PCNX1: variants seen among roughly 807,000 people sequenced by gnomAD.
PCNX1 encodes pecanex-like protein 1.
PCNX1 carries 78 observed loss-of-function variants against 242.2 expected under a neutral mutation model. That is an observed-to-expected ratio of 0.32 (90% CI 0.27 to 0.39). The LOEUF (loss-of-function observed/expected upper bound fraction) is 0.39, where lower values mean the gene tolerates loss of function less well. PCNX1 is among the 10% of genes least tolerant of loss of function. The pLI is 1.00. For missense variants in PCNX1, 2,581 were observed against 2,856.5 expected (o/e 0.90, Z 2.20); for synonymous variants, 1,024 against 1,032.9 (o/e 0.99, Z 0.17).
chr14:70,967,548 A>G lies in PCNX1; in HGVS notation c.469-650A>G, dbSNP rs11158889. On this transcript the variant is annotated intron_variant, in intron 3 of 35. Coordinates refer to ENST00000304743, the MANE Select transcript of PCNX1 (RefSeq NM_014982.3). ...TGAAATTTTAGGGAAGTGTTAAACTATCTTGAATATAAGCACTAAAAGCTC... is the reference window on the plus strand; with the variant it reads ...TGAAATTTTAGGGAAGTGTTAAACTGTCTTGAATATAAGCACTAAAAGCTC... Among the ~76,000 whole-genome samples the G allele has an allele frequency of 8.7e-3, 1,318 of 152,316 alleles. 26 individuals are homozygous for G. The highest frequency in any genetic ancestry group is 0.03 in the African/African-American group (1,244 of 41,552).
At chr14:70,940,062 A>T (rs1368257000) in intron 1 of PCNX1, among the ~76,000 whole-genome samples, 1 of 152,134 alleles carries the variant, frequency 6.6e-6, no homozygotes, top group Non-Finnish European at 1.5e-5. Context: ...GCGCACACTG[A>T]TGGGTCTTGA....
At chr14:70,996,040 C>T (rs1290101529) in intron 8 of PCNX1, 115 bp downstream of exon 8, 23 of 771,748 alleles carry the variant, frequency 3.0e-5, no homozygotes, top group Admixed American at 8.4e-5. Context: ...CATAGGAGCA[C>T]TTTTTACATA....
intron 19 of PCNX1, among the ~76,000 whole-genome samples, chr14:71,036,476 C>T (rs945851028): frequency 3.9e-5 from 6 of 152,170 alleles, no homozygotes; most frequent in Non-Finnish European, 7.3e-5. Context: ...CTTCACCCAG[C>T]CTGTATATGT....
In PCNX1 at chr14:70,977,592, G is replaced by T; in HGVS notation, c.1255G>T (p.Glu419Ter). 2.5e-6 allele frequency: 4 copies of T among 1,614,198 alleles called. No individual in the cohort carries two copies. The highest frequency in any genetic ancestry group is 2.5e-6 in the Non-Finnish European group (3 of 1,180,050). ...AGAGAGCATCCTGTCAGAGCATGAGGAGTCTCCTAAAGCAGGAACAAAAAG... is the reference window on the plus strand; with the variant it reads ...AGAGAGCATCCTGTCAGAGCATGAGTAGTCTCCTAAAGCAGGAACAAAAAG... ...HIESILSEHEESPKAGTKSGR... is the reference protein window; with the variant it reads ...HIESILSEHE The change falls in exon 6 of 36, where the codon GAG (glutamate) becomes TAG (stop). Residue 419 changes from glutamate to a stop codon, truncating the protein, a stop_gained. Transcript: ENST00000304743. LOFTEE classifies it high-confidence loss of function.
chr14:71,051,536 G>A (rs942813179), intron 23 of PCNX1, among the ~76,000 whole-genome samples: 4 of 152,102 alleles, frequency 2.6e-5, no homozygotes, highest in African/African-American at 9.7e-5. Context: ...TAACCACATT[G>A]ATATGGAAAG....
intron 5 of PCNX1, 166 bp downstream of exon 5, chr14:70,969,276 A>C: frequency 7.2e-6 from 4 of 553,290 alleles, no homozygotes; most frequent in Non-Finnish European, 1.3e-5. Flanking sequence ...AGAGTTACAC[A>C]TGCTTTTAGC....
Position 71,057,739 on chromosome 14 carries a change from C to G in PCNX1, c.4852+15C>G, listed in dbSNP as rs570166298. 4 of 1,563,536 alleles carry G rather than the reference C, an allele frequency of 2.6e-6. No individual in the cohort carries two copies. The Admixed American group carries it at 6.7e-5, about 26-fold the overall frequency. ...TGAATTCAGAGGTAAGACATTCATT[C>G]ACCTTTTATTTCTGTAGCATACTCC... On this transcript the variant is annotated intron_variant, in intron 26 of 35. Coordinates refer to ENST00000304743, the MANE Select transcript of PCNX1 (RefSeq NM_014982.3).
intron 26 of PCNX1, among the ~76,000 whole-genome samples, chr14:71,063,946 C>G (rs2061385665): frequency 6.6e-6 from 1 of 151,994 alleles, no homozygotes; most frequent in African/African-American, 2.4e-5. Flanking sequence ...ATTACACTTT[C>G]TTTCATGTTA....
chr14:70,943,093 C>G (rs1339425518), intron 1 of PCNX1, among the ~76,000 whole-genome samples: 3 of 152,174 alleles, frequency 2.0e-5, no homozygotes, highest in Non-Finnish European at 2.9e-5. Flanking sequence ...AACCTCTTTT[C>G]CTTATAAATT....
intron 30 of PCNX1, among the ~76,000 whole-genome samples, chr14:71,101,122 T>C (rs1022882876): frequency 6.6e-6 from 1 of 152,182 alleles, no homozygotes; most frequent in Admixed American, 6.5e-5. Flanking sequence ...TCCTTTCACA[T>C]AGCACAAATT....
chr14:71,022,006 A>G (rs1239259627), intron 12 of PCNX1, among the ~76,000 whole-genome samples: 1 of 152,126 alleles, frequency 6.6e-6, no homozygotes, highest in Non-Finnish European at 1.5e-5. Context: ...CTCTTTTGCA[A>G]GCTTTAGTCC....
At chr14:71,036,416 AT>A (rs1194106339) in intron 19 of PCNX1, among the ~76,000 whole-genome samples, 4 of 152,080 alleles carry the variant, frequency 2.6e-5, no homozygotes, top group African/African-American at 9.7e-5. Flanking sequence ...GGGCTCAAGC[AT>A]TTCTCCTGCC....
intron 8 of PCNX1, among the ~76,000 whole-genome samples, chr14:71,001,871 G>A (rs900148843): frequency 1.3e-5 from 2 of 152,160 alleles, no homozygotes; most frequent in Non-Finnish European, 2.9e-5. Context: ...TGGCTTTCTT[G>A]CCTTGTCCTA....
chr14:70,974,521 C>T (rs1473798048), intron 5 of PCNX1, among the ~76,000 whole-genome samples: 1 of 152,042 alleles, frequency 6.6e-6, no homozygotes, highest in East Asian at 1.9e-4. Flanking sequence ...TATTAGTGGA[C>T]CACATATTCA....
At chr14:71,044,127 T>G (rs1236510052) in intron 19 of PCNX1, among the ~76,000 whole-genome samples, 1 of 152,148 alleles carries the variant, frequency 6.6e-6, no homozygotes, top group Non-Finnish European at 1.5e-5. Flanking sequence ...CTTAGTGACT[T>G]AGGCTGCATT....
At chr14:71,094,922 C>T (rs2062233433) in intron 30 of PCNX1, among the ~76,000 whole-genome samples, 1 of 152,154 alleles carries the variant, frequency 6.6e-6, no homozygotes, top group African/African-American at 2.4e-5. Context: ...CAGACCAAGA[C>T]CTTGTCTCTA....
intron 19 of PCNX1, among the ~76,000 whole-genome samples, chr14:71,036,399 A>G (rs2060533439): frequency 6.6e-6 from 1 of 152,150 alleles, no homozygotes; most frequent in African/African-American, 2.4e-5. Context: ...GCTGGTCTCA[A>G]ACTCCTGGGC....
At chr14:70,988,291 A>T (rs971380656) in intron 6 of PCNX1, among the ~76,000 whole-genome samples, 3 of 152,212 alleles carry the variant, frequency 2.0e-5, no homozygotes, top group Non-Finnish European at 4.4e-5. Context: ...AACAACAGAG[A>T]TCTTAAAAAT....
chr14:71,052,548 T>A (rs1053263577), intron 24 of PCNX1, among the ~76,000 whole-genome samples: 8 of 151,710 alleles, frequency 5.3e-5, no homozygotes, highest in African/African-American at 1.7e-4. Flanking sequence ...TTAAACATTG[T>A]TCTGATTGAA....
Sources: gnomAD v4.1 joint callset for allele counts (sites outside exome capture counted in the v4.1 genomes callset) on GRCh38, gnomAD v4.1.1 for gene constraint, MANE v1.5 for transcripts, NCBI Gene and HGNC (gene_info 2026-07-23, HGNC 2026-07-21) for gene names.